Variants in CSMD1 observed in about 807,000 individuals in gnomAD.
The protein encoded by CSMD1 is CUB and Sushi multiple domains 1, also known as CUB and sushi domain-containing protein 1.
A neutral mutation model predicts 417.5 loss-of-function variants in CSMD1; 213 were observed. That is an observed-to-expected ratio of 0.51 (90% CI 0.46 to 0.57). The LOEUF is 0.57. Ranked by LOEUF, CSMD1 falls within the 20% of genes least tolerant of loss-of-function variation. The pLI is 0.00. For missense variants in CSMD1, 6,923 were observed against 4,529.7 expected (o/e 1.53, Z -15.17); for synonymous variants, 2,862 against 1,736.8 (o/e 1.65, Z -16.11).
intron 54 of CSMD1, among the ~76,000 whole-genome samples, chr8:2,990,946 TC>T (rs1285964323): frequency 1.3e-5 from 2 of 152,212 alleles, no homozygotes; most frequent in Non-Finnish European, 2.9e-5. Flanking sequence ...TCACCGCCTT[TC>T]CCACATTTCA....
chr8:3,223,659 T>A, intron 28 of CSMD1, 70 bp downstream of exon 28: 1 of 1,521,080 alleles, frequency 6.6e-7, no homozygotes, highest in Admixed American at 1.7e-5. Flanking sequence ...TATGAGGTCA[T>A]AAAAGAAGTA....
At chr8:2,993,001 G>A (rs1362859471) in intron 54 of CSMD1, among the ~76,000 whole-genome samples, 1 of 152,134 alleles carries the variant, frequency 6.6e-6, no homozygotes, top group Admixed American at 6.5e-5. Flanking sequence ...CCAAAGTGCT[G>A]GGACTAAAAG....
At chr8:4,837,751 G>A (rs566286668) in intron 1 of CSMD1, among the ~76,000 whole-genome samples, 2 of 152,076 alleles carry the variant, frequency 1.3e-5, no homozygotes, top group Non-Finnish European at 2.9e-5. Context: ...ATAACAAAGA[G>A]TATAACTACA....
Position 3,499,976 on chromosome 8 carries a change from T to C in CSMD1, c.1345-6250A>G, listed in dbSNP as rs543932454. ...GTGGGCTGCAGGTAGCTCCCTACCCTTGGCTCAGGGCCTATGAGGCCTGTG... is the reference window on the plus strand; with the variant it reads ...GTGGGCTGCAGGTAGCTCCCTACCCCTGGCTCAGGGCCTATGAGGCCTGTG... On this transcript the variant is annotated intron_variant, in intron 10 of 69. Transcript: ENST00000635120. Among the ~76,000 whole-genome samples the C allele has an allele frequency of 2.0e-5, 3 of 152,196 alleles. No homozygotes were observed. The East Asian group carries it at 5.9e-4, about 30-fold the overall frequency.
intron 1 of CSMD1, among the ~76,000 whole-genome samples, chr8:4,887,409 C>T (rs950388993): frequency 2.0e-5 from 3 of 152,022 alleles, no homozygotes; most frequent in Non-Finnish European, 4.4e-5. Context: ...GACAACAGTT[C>T]ATCTGCAAAT....
intron 3 of CSMD1, among the ~76,000 whole-genome samples, chr8:4,262,462 G>C (rs566876869): frequency 1.3e-5 from 2 of 152,342 alleles, no homozygotes; most frequent in East Asian, 1.9e-4. Flanking sequence ...TGCAGGCAAA[G>C]ACAGATATTA....
intron 7 of CSMD1, among the ~76,000 whole-genome samples, chr8:3,666,098 G>C (rs1346760965): frequency 2.6e-5 from 4 of 152,180 alleles, no homozygotes; most frequent in African/African-American, 9.7e-5. Context: ...GTTTCACCAT[G>C]TTGGCCAGGC....
At chr8:3,887,379 T>G (rs1316697895) in intron 5 of CSMD1, among the ~76,000 whole-genome samples, 1 of 152,178 alleles carries the variant, frequency 6.6e-6, no homozygotes, top group Admixed American at 6.5e-5. Flanking sequence ...TCTTTCCAGA[T>G]GTATCCAAGA....
At chr8:4,961,755 T>A (rs895402021) in intron 1 of CSMD1, among the ~76,000 whole-genome samples, 2 of 152,152 alleles carry the variant, frequency 1.3e-5, no homozygotes, top group Non-Finnish European at 2.9e-5. Context: ...ACATTTTCAA[T>A]CTAGCAATTT....
At chr8:3,873,819 G>C (rs906032725) in intron 5 of CSMD1, among the ~76,000 whole-genome samples, 1 of 152,168 alleles carries the variant, frequency 6.6e-6, no homozygotes, top group South Asian at 2.1e-4. Flanking sequence ...AGCACACATG[G>C]TCACGGTGTT....
chr8:4,685,780 T>C (rs1806345213), intron 1 of CSMD1, among the ~76,000 whole-genome samples: 1 of 152,174 alleles, frequency 6.6e-6, no homozygotes, highest in African/African-American at 2.4e-5. Context: ...AAATATTTAT[T>C]AGGTCGGTGC....
intron 46 of CSMD1, among the ~76,000 whole-genome samples, chr8:3,100,206 C>T (rs1190173122): frequency 1.3e-5 from 2 of 152,192 alleles, no homozygotes; most frequent in Admixed American, 6.5e-5. Context: ...CGCACACCAC[C>T]CCTCCTGGCT....
chr8:4,867,564 G>A (rs1320969597), intron 1 of CSMD1, among the ~76,000 whole-genome samples: 1 of 151,958 alleles, frequency 6.6e-6, no homozygotes, highest in African/African-American at 2.4e-5. Flanking sequence ...TAGTCCCAGA[G>A]CAGCCATAAT....
rs77507635 is a variant in CSMD1 at position 3,417,534 on chromosome 8, T to G, written c.1562-7929A>C. ...ATTCTGAACTTAAGGCTTAAAAACT[T>G]TAATCACAAACTAGAATAGATAAGG... On this transcript the variant is annotated intron_variant, in intron 12 of 69. Transcript: ENST00000635120. 8.7e-3 allele frequency among the ~76,000 whole-genome samples: 1,324 copies of G among 152,312 alleles called. 5 individuals are homozygous for G. Among genetic ancestry groups the G allele is most frequent in the Non-Finnish European group, 0.015 (1,007 of 68,038 alleles).
chr8:3,817,756 A>C (rs1159886240), intron 5 of CSMD1, among the ~76,000 whole-genome samples: 2 of 152,168 alleles, frequency 1.3e-5, no homozygotes, highest in Non-Finnish European at 2.9e-5. Context: ...TTCCAGAAAC[A>C]GAGGTCTTCC....
intron 1 of CSMD1, among the ~76,000 whole-genome samples, chr8:4,964,703 G>C (rs572888965): frequency 6.6e-6 from 1 of 151,992 alleles, no homozygotes; most frequent in Non-Finnish European, 1.5e-5. Context: ...CAGAAACTCA[G>C]TTATGGTCAC....
intron 55 of CSMD1, 44 bp downstream of exon 55, chr8:2,978,568 T>A: frequency 6.8e-7 from 1 of 1,471,126 alleles, no homozygotes. Context: ...GATGGTGACC[T>A]TGCAGGGGTC....
At chr8:4,018,629 G>C (rs374353442) in intron 4 of CSMD1, among the ~76,000 whole-genome samples, 53 of 152,332 alleles carry the variant, frequency 3.5e-4, no homozygotes, top group African/African-American at 1.2e-3. Context: ...TCAAGCACAT[G>C]TTTCTCAAGG....
chr8:4,045,160 G>A (rs61735725), intron 3 of CSMD1, among the ~76,000 whole-genome samples: 8 of 152,168 alleles, frequency 5.3e-5, no homozygotes, highest in African/African-American at 1.4e-4. Flanking sequence ...CCACGCAGTC[G>A]TGGGCTGGGG....
Sources: gnomAD v4.1 joint callset for allele counts (sites outside exome capture counted in the v4.1 genomes callset) on GRCh38, gnomAD v4.1.1 for gene constraint, MANE v1.5 for transcripts, NCBI Gene and HGNC (gene_info 2026-07-23, HGNC 2026-07-21) for gene names.